The following RTL4 variants were observed in gnomAD, a reference collection of about 807,000 sequenced individuals.
RTL4 encodes the protein retrotransposon Gag like 4.
RTL4 carries 4 observed loss-of-function variants against 5.3 expected under a neutral mutation model. The ratio of observed to expected loss-of-function variants is 0.75; its 90% CI spans 0.37 to 1.72. The LOEUF is 1.72. Among genes scored for constraint, RTL4 ranks in the 40% most tolerant of loss-of-function variants. RTL4 has a pLI of 0.04. For synonymous variants in RTL4, 98 were observed against 87.3 expected (o/e 1.12, Z -0.68); for missense variants, 260 against 227.1 (o/e 1.14, Z -0.93).
chrX:112,244,901 A>G, the RTL4 span, among the ~76,000 whole-genome samples: 1 of 111,741 alleles, frequency 8.9e-6, no homozygotes, highest in South Asian at 3.8e-4. Context: ...TGGTGACAAA[A>G]TCTCTCAGCA....
the RTL4 span, among the ~76,000 whole-genome samples, chrX:112,417,607 A>G: frequency 9.0e-6 from 1 of 111,479 alleles, no homozygotes; most frequent in South Asian, 3.8e-4. Flanking sequence ...ACGTTCCAAC[A>G]TGGCTCAGTT....
the RTL4 span, among the ~76,000 whole-genome samples, chrX:112,380,836 A>G: frequency 8.9e-6 from 1 of 111,758 alleles, no homozygotes; most frequent in South Asian, 3.8e-4. Context: ...GAGCTAGGAA[A>G]AGGGCGCTGA....
chrX:112,320,730 C>T, the RTL4 span, among the ~76,000 whole-genome samples: 1 of 111,300 alleles, frequency 9.0e-6, no homozygotes, highest in African/African-American at 3.3e-5. Context: ...AAGTCTATGA[C>T]CTTATTAGCT....
chrX:112,181,632 T>C, the RTL4 span, among the ~76,000 whole-genome samples: 3 of 112,033 alleles, frequency 2.7e-5, no homozygotes, highest in Non-Finnish European at 3.8e-5. Context: ...CCTCTCTAGA[T>C]TCCTCCTCTC....
At chrX:112,432,919 G>A in the RTL4 span, among the ~76,000 whole-genome samples, 1 of 111,915 alleles carries the variant, frequency 8.9e-6, no homozygotes, top group Admixed American at 9.5e-5. Context: ...TAAGGTGTAA[G>A]GAAGGAATCC....
At chrX:112,230,407 A>G in the RTL4 span, among the ~76,000 whole-genome samples, 1 of 111,511 alleles carries the variant, frequency 9.0e-6, no homozygotes, top group Non-Finnish European at 1.9e-5. Context: ...GAGTGACCCG[A>G]TTTTCCAGGT....
chrX:112,110,830 T>G, the RTL4 span, among the ~76,000 whole-genome samples: 1 of 112,056 alleles, frequency 8.9e-6, no homozygotes, highest in Non-Finnish European at 1.9e-5. Context: ...TTTCCCTTAA[T>G]CACCCAGGAG....
At chrX:112,252,091 T>C in the RTL4 span, among the ~76,000 whole-genome samples, 1 of 112,125 alleles carries the variant, frequency 8.9e-6, no homozygotes, top group Non-Finnish European at 1.9e-5. Context: ...CTGTTCTCTT[T>C]ATCAAAGATA....
the RTL4 span, among the ~76,000 whole-genome samples, chrX:112,424,193 C>A: frequency 9.0e-6 from 1 of 111,388 alleles, no homozygotes; most frequent in African/African-American, 3.3e-5. Context: ...TTATAACAAC[C>A]CCAGGACATG....
At chrX:112,331,917 C>G in the RTL4 span, among the ~76,000 whole-genome samples, 1 of 96,524 alleles carries the variant, frequency 1.0e-5, no homozygotes. Context: ...AACAAAAAAC[C>G]AAACACCACA....
chrX:112,329,913 T>C, the RTL4 span, among the ~76,000 whole-genome samples: 2 of 109,408 alleles, frequency 1.8e-5, no homozygotes, highest in East Asian at 5.7e-4. Flanking sequence ...AAAAACCACA[T>C]GATTATCTCA....
the RTL4 span, among the ~76,000 whole-genome samples, chrX:112,087,779 C>G: frequency 2.7e-5 from 3 of 111,071 alleles, no homozygotes; most frequent in Admixed American, 9.6e-5. Context: ...CTCACAGTGT[C>G]GTTTAGTGGA....
the RTL4 span, among the ~76,000 whole-genome samples, chrX:112,167,123 A>G: frequency 8.9e-6 from 1 of 112,010 alleles, no homozygotes; most frequent in Non-Finnish European, 1.9e-5. Flanking sequence ...GCATGTGCAA[A>G]GGATCAAGTT....
the RTL4 span, among the ~76,000 whole-genome samples, chrX:112,153,911 C>T: frequency 9.0e-6 from 1 of 110,889 alleles, no homozygotes; most frequent in Non-Finnish European, 1.9e-5. Context: ...ATTATTTCTC[C>T]AAATATTCTT....
At chrX:112,101,806 C>T in the RTL4 span, among the ~76,000 whole-genome samples, 2 of 109,748 alleles carry the variant, frequency 1.8e-5, no homozygotes, top group Non-Finnish European at 3.8e-5. Context: ...GATGAATGTC[C>T]TTATAAATAG....
At chrX:112,326,169 A>C in the RTL4 span, among the ~76,000 whole-genome samples, 1 of 111,852 alleles carries the variant, frequency 8.9e-6, no homozygotes, top group African/African-American at 3.3e-5. Flanking sequence ...GCCGAATAGG[A>C]ACAGTTCCAG....
At chrX:112,246,821 G>A in the RTL4 span, among the ~76,000 whole-genome samples, 1 of 111,499 alleles carries the variant, frequency 9.0e-6, no homozygotes, top group Middle Eastern at 4.6e-3. Flanking sequence ...GGGAGCTGCA[G>A]ACTTGAGCTG....
At chrX:112,171,146 G>T in the RTL4 span, among the ~76,000 whole-genome samples, 1 of 112,083 alleles carries the variant, frequency 8.9e-6, no homozygotes, top group South Asian at 3.7e-4. Context: ...GATTTGGTTT[G>T]CCAGTATTTT....
At chrX:112,352,562 C>G in the RTL4 span, among the ~76,000 whole-genome samples, 1 of 110,898 alleles carries the variant, frequency 9.0e-6, no homozygotes, top group African/African-American at 3.3e-5. Context: ...ACAAACCTGA[C>G]AAAAACAAGA....
Sources: allele counts gnomAD v4.1 joint callset (sites outside exome capture counted in the v4.1 genomes callset), GRCh38; gene constraint gnomAD v4.1.1; transcripts MANE v1.5; gene names NCBI Gene and HGNC (gene_info 2026-07-23, HGNC 2026-07-21).